Variants in DIPK1A observed in about 807,000 individuals in gnomAD.
DIPK1A encodes divergent protein kinase domain 1A.
DIPK1A carries 27 observed loss-of-function variants against 40.8 expected under a neutral mutation model. That is an observed-to-expected ratio of 0.66 (90% CI 0.49 to 0.91). The LOEUF (loss-of-function observed/expected upper bound fraction) is 0.91, where lower values mean the gene tolerates loss of function less well. DIPK1A is among the 40% of genes least tolerant of loss of function. DIPK1A has a pLI of 0.00. For synonymous variants in DIPK1A, 166 were observed against 171.3 expected, an observed-to-expected ratio of 0.97 and a Z score of 0.24; for missense variants, 412 against 505.7, an observed-to-expected ratio of 0.81 and a Z score of 1.78.
intron 4 of DIPK1A, chr1:92,846,572 A>AT: frequency 2.3e-6 from 1 of 435,982 alleles, no homozygotes; most frequent in Non-Finnish European, 4.6e-6. Context: ...ATATCTGGAC[A>AT]TTTTTAGCTA....
chr1:92,913,006 A>G (rs1355556400), intron 1 of DIPK1A, among the ~76,000 whole-genome samples: 1 of 152,176 alleles, frequency 6.6e-6, no homozygotes, highest in African/African-American at 2.4e-5. Context: ...CAGGAAGCTA[A>G]GGCAGGAGAA....
intron 1 of DIPK1A, among the ~76,000 whole-genome samples, chr1:92,907,388 C>T (rs1454400815): frequency 6.6e-6 from 1 of 151,944 alleles, no homozygotes; most frequent in Non-Finnish European, 1.5e-5. Flanking sequence ...GGAAGGGTCA[C>T]AAGAGAAATT....
chr1:92,844,244 A>C lies in DIPK1A; in HGVS notation c.475-49T>G. On this transcript the variant is annotated intron_variant, in intron 4 of 4. Coordinates refer to ENST00000370310, the MANE Select transcript of DIPK1A (RefSeq NM_001006605.5). ...ACAGAAGGAATGAAAAATACCTCCC[A>C]TGCAACATACTAAGTTTCTTTACGG... 5.2e-6 allele frequency: 6 copies of C among 1,154,074 alleles called. No homozygotes were observed. In the South Asian group the frequency reaches 8.8e-5, roughly 17 times the overall value. The allele number at this position is 1,154,074 out of a possible 1,614,324, so 71.5% of individuals were successfully genotyped here. A position where few individuals can be genotyped will look rare whatever the true frequency, so the allele number is the denominator to read the frequency against.
chr1:92,953,783 G>A (rs1410207496), intron 1 of DIPK1A, among the ~76,000 whole-genome samples: 12 of 152,166 alleles, frequency 7.9e-5, no homozygotes, highest in African/African-American at 2.7e-4. Flanking sequence ...GACTTTGCAG[G>A]ATGAAGAAGT....
At chr1:92,847,762 G>GTCT (rs1687687291) in intron 3 of DIPK1A, among the ~76,000 whole-genome samples, 1 of 152,102 alleles carries the variant, frequency 6.6e-6, no homozygotes, top group Non-Finnish European at 1.5e-5. Flanking sequence ...TAGAGACAGG[G>GTCT]TCTTGCTTTG....
chr1:92,951,826 T>G (rs761498269), intron 1 of DIPK1A, among the ~76,000 whole-genome samples: 14 of 152,008 alleles, frequency 9.2e-5, no homozygotes, highest in Non-Finnish European at 1.8e-4. Flanking sequence ...ATACAATGAA[T>G]ACTCTTATAC....
chr1:92,952,147 T>C (rs1651659802), intron 1 of DIPK1A, among the ~76,000 whole-genome samples: 1 of 150,726 alleles, frequency 6.6e-6, no homozygotes, highest in South Asian at 2.1e-4. Context: ...ATCTAACGGG[T>C]AGAGCCCATG....
At chr1:92,927,821 T>A (rs552102123) in intron 1 of DIPK1A, among the ~76,000 whole-genome samples, 27 of 152,244 alleles carry the variant, frequency 1.8e-4, no homozygotes, top group Non-Finnish European at 3.1e-4. Flanking sequence ...AATATCCCAC[T>A]GTATGGATAT....
At chr1:92,849,545 C>G (rs1269740360) in intron 3 of DIPK1A, among the ~76,000 whole-genome samples, 1 of 151,952 alleles carries the variant, frequency 6.6e-6, no homozygotes, top group African/African-American at 2.4e-5. Flanking sequence ...CAGTCTCGCT[C>G]TATTGTCCAG....
At chr1:92,936,532 G>A (rs1317040957) in intron 1 of DIPK1A, among the ~76,000 whole-genome samples, 1 of 151,804 alleles carries the variant, frequency 6.6e-6, no homozygotes, top group Non-Finnish European at 1.5e-5. Context: ...AGGAGGCTGA[G>A]GCAGAAGAAT....
chr1:92,907,279 AT>A (rs1649659270), intron 1 of DIPK1A, among the ~76,000 whole-genome samples: 1 of 152,186 alleles, frequency 6.6e-6, no homozygotes, highest in South Asian at 2.1e-4. Flanking sequence ...GGTTTAGAGC[AT>A]CTTTTTGTGT....
chr1:92,913,520 A>G (rs1649925763), intron 1 of DIPK1A, among the ~76,000 whole-genome samples: 1 of 152,196 alleles, frequency 6.6e-6, no homozygotes, highest in Non-Finnish European at 1.5e-5. Flanking sequence ...CTCCTTTTGT[A>G]TTAATTAGGG....
intron 1 of DIPK1A, among the ~76,000 whole-genome samples, chr1:92,955,078 T>C (rs969868048): frequency 6.6e-6 from 1 of 152,196 alleles, no homozygotes; most frequent in African/African-American, 2.4e-5. Context: ...GAAAGAAGCC[T>C]ATTTGAAAAG....
chr1:92,921,851 GA>G (rs1353662413), intron 1 of DIPK1A, among the ~76,000 whole-genome samples: 17 of 152,300 alleles, frequency 1.1e-4, no homozygotes, highest in Admixed American at 9.8e-4. Context: ...CAATTACCTG[GA>G]AAGCCCTCAA....
chr1:92,849,255 G>GTTTA (rs1007175167), intron 3 of DIPK1A, among the ~76,000 whole-genome samples: 2 of 151,418 alleles, frequency 1.3e-5, no homozygotes, highest in African/African-American at 2.4e-5. Flanking sequence ...TATTTTGTTT[G>GTTTA]TTTATTTATT....
Position 92,833,675 on chromosome 1 carries a change from A to G in DIPK1A, c.475-641T>C. 6.3e-7 allele frequency: 1 copy of G among 1,589,444 alleles called. No individual in the cohort carries two copies. Among genetic ancestry groups the G allele is most frequent in the South Asian group, 1.1e-5 (1 of 90,536 alleles). On this transcript the variant is annotated intron_variant, in intron 4 of 4. Coordinates refer to the DIPK1A transcript ENST00000615519. ...TCATTTGTCAGGTAAGTTGTATTCT[A>G]GACAGTCCCCTTTTTTTATTGCTAG...
chr1:92,954,353 C>A lies in DIPK1A; in HGVS notation c.54+7023G>T, dbSNP rs190865264. 4.0e-3 allele frequency among the ~76,000 whole-genome samples: 587 copies of A among 145,472 alleles called. 5 individuals are homozygous for A. Among genetic ancestry groups the A allele is most frequent in the African/African-American group, 0.014 (564 of 39,976 alleles). On this transcript the variant is annotated intron_variant, in intron 1 of 4. Coordinates refer to ENST00000370310, the MANE Select transcript of DIPK1A (RefSeq NM_001006605.5). ...GAAATGGATATGTTAAAAATATTAA[C>A]ACTTTATCTTTTCTTTCTTTTTTTT...
At chr1:92,868,514 T>C (rs1476691957) in intron 2 of DIPK1A, among the ~76,000 whole-genome samples, 9 of 152,212 alleles carry the variant, frequency 5.9e-5, no homozygotes, top group Non-Finnish European at 1.2e-4. Context: ...CAAAATGCCA[T>C]CTTTTCAGGC....
intron 1 of DIPK1A, among the ~76,000 whole-genome samples, chr1:92,895,034 T>C (rs1649096085): frequency 6.6e-6 from 1 of 151,940 alleles, no homozygotes; most frequent in Non-Finnish European, 1.5e-5. Context: ...CCAAAAAAAG[T>C]CCAGGACCAG....
Sources: gnomAD v4.1 joint callset for allele counts (sites outside exome capture counted in the v4.1 genomes callset) on GRCh38, gnomAD v4.1.1 for gene constraint, MANE v1.5 for transcripts, NCBI Gene and HGNC (gene_info 2026-07-23, HGNC 2026-07-21) for gene names.